PTPN3: variants seen among roughly 807,000 people sequenced by gnomAD.
The protein encoded by PTPN3 is tyrosine-protein phosphatase non-receptor type 3.
Under a neutral mutation model 132.7 loss-of-function variants are expected in PTPN3, and 96 were observed. That is an observed-to-expected ratio of 0.72 (90% CI 0.61 to 0.86). PTPN3 has a LOEUF of 0.86. PTPN3 is among the 40% of genes least tolerant of loss of function. The probability of loss-of-function intolerance (pLI) is 0.00; values close to 1 mark genes in which losing one functional copy is unlikely to be tolerated. For missense variants in PTPN3, 1,125 were observed against 1,159.6 expected (o/e 0.97, Z 0.43); for synonymous variants, 398 against 429.0 (o/e 0.93, Z 0.89).
At chr9:109,389,132 G>T in intron 22 of PTPN3, 101 bp downstream of exon 22, 1 of 1,452,116 alleles carries the variant, frequency 6.9e-7, no homozygotes. Flanking sequence ...CATACGGGCT[G>T]GACCAGGAGA....
chr9:109,396,994 C>T (rs374105513), intron 19 of PTPN3, among the ~76,000 whole-genome samples: 3 of 151,936 alleles, frequency 2.0e-5, no homozygotes, highest in African/African-American at 2.4e-5. Flanking sequence ...GCAAGCACTC[C>T]GTCAACTCTA....
At chr9:109,445,141 G>T in intron 7 of PTPN3, 99 bp downstream of exon 7, 1 of 1,246,954 alleles carries the variant, frequency 8.0e-7, no homozygotes, top group Non-Finnish European at 1.2e-6. Flanking sequence ...AGGATTCCTG[G>T]GGAAGAGGGA....
intron 12 of PTPN3, among the ~76,000 whole-genome samples, chr9:109,426,600 C>T (rs1843300706): frequency 6.6e-6 from 1 of 152,156 alleles, no homozygotes; most frequent in South Asian, 2.1e-4. Flanking sequence ...GTGGGAGAGG[C>T]TGGCATAGTG....
intron 5 of PTPN3, 34 bp downstream of exon 5, chr9:109,454,462 C>A (rs773221164): frequency 3.9e-6 from 6 of 1,552,646 alleles, no homozygotes; most frequent in Non-Finnish European, 5.3e-6. Context: ...CATTTTTATA[C>A]ACTAAACAGA....
intron 1 of PTPN3, among the ~76,000 whole-genome samples, chr9:109,486,790 T>C (rs548836279): frequency 6.6e-6 from 1 of 152,264 alleles, no homozygotes; most frequent in East Asian, 1.9e-4. Context: ...GGGAGGTAAC[T>C]GAATCATGGG....
At chr9:109,393,172 T>C (rs1362515894) in intron 19 of PTPN3, among the ~76,000 whole-genome samples, 1 of 152,178 alleles carries the variant, frequency 6.6e-6, no homozygotes, top group African/African-American at 2.4e-5. Flanking sequence ...ATTTTCAAGC[T>C]GCTTTCTCCT....
At chr9:109,418,583 A>C (rs962083311) in intron 14 of PTPN3, among the ~76,000 whole-genome samples, 12 of 152,192 alleles carry the variant, frequency 7.9e-5, no homozygotes, top group Admixed American at 7.2e-4. Context: ...CCTTTAAATG[A>C]ACGATGGAAT....
chr9:109,454,833 T>G (rs977154866), intron 4 of PTPN3, among the ~76,000 whole-genome samples: 1 of 152,176 alleles, frequency 6.6e-6, no homozygotes, highest in African/African-American at 2.4e-5. Context: ...TAGGGCTGTG[T>G]TTAAACATTG....
chr9:109,518,957 CA>C, the PTPN3 span, among the ~76,000 whole-genome samples: 1 of 152,080 alleles, frequency 6.6e-6, no homozygotes, highest in Non-Finnish European at 1.5e-5. Context: ...CTTCAAAAGC[CA>C]ACTGAACATT....
chr9:109,446,036 G>T (rs1181688373), intron 6 of PTPN3, among the ~76,000 whole-genome samples: 2 of 152,158 alleles, frequency 1.3e-5, no homozygotes, highest in Admixed American at 6.5e-5. Context: ...TGAATCCTCT[G>T]ATTGCTCCCT....
chr9:109,419,934 C>T (rs578169935), intron 14 of PTPN3, among the ~76,000 whole-genome samples: 1 of 152,262 alleles, frequency 6.6e-6, no homozygotes, highest in East Asian at 1.9e-4. Flanking sequence ...GATGTTCTAA[C>T]GTTTGTTTCT....
chr9:109,404,717 T>A (rs1841418781), intron 18 of PTPN3, 109 bp from the exon 19 acceptor site: 1 of 1,211,902 alleles, frequency 8.3e-7, no homozygotes, highest in Non-Finnish European at 1.1e-6. Flanking sequence ...GTTCAAAACA[T>A]CTTATTAAAT....
intron 2 of PTPN3, among the ~76,000 whole-genome samples, chr9:109,463,049 A>G (rs1238403947): frequency 6.6e-6 from 1 of 151,030 alleles, no homozygotes; most frequent in Non-Finnish European, 1.5e-5. Context: ...AGGACTTCCC[A>G]GAAGCACCAA....
chr9:109,526,106 C>A, the PTPN3 span, among the ~76,000 whole-genome samples: 1 of 151,914 alleles, frequency 6.6e-6, no homozygotes, highest in South Asian at 2.1e-4. Context: ...ATTTTAAATA[C>A]CATTTACAAT....
intron 1 of PTPN3, among the ~76,000 whole-genome samples, chr9:109,473,557 A>G (rs529816066): frequency 3.5e-4 from 53 of 152,312 alleles, no homozygotes; most frequent in Non-Finnish European, 6.3e-4. Context: ...AGCCGCGGGC[A>G]GTTTCGGGAA....
chr9:109,414,714 T>C (rs562189047), intron 14 of PTPN3, among the ~76,000 whole-genome samples: 3 of 152,198 alleles, frequency 2.0e-5, no homozygotes, highest in Non-Finnish European at 2.9e-5. Context: ...GCTTCCCCTA[T>C]AGATATCAGA....
chr9:109,415,495 A>G (rs1199309285), intron 14 of PTPN3, among the ~76,000 whole-genome samples: 3 of 152,218 alleles, frequency 2.0e-5, no homozygotes, highest in African/African-American at 7.2e-5. Flanking sequence ...AGCAGAGAAA[A>G]GGTATTTAAG....
At chr9:109,412,223 T>G (rs928700291) in intron 14 of PTPN3, among the ~76,000 whole-genome samples, 2 of 152,026 alleles carry the variant, frequency 1.3e-5, no homozygotes, top group African/African-American at 2.4e-5. Context: ...TTTTTTTTTC[T>G]TTTGAGGTAG....
upstream of PTPN3, among the ~76,000 whole-genome samples, chr9:109,503,175 T>G (rs1228439716): frequency 6.6e-6 from 1 of 152,120 alleles, no homozygotes; most frequent in African/African-American, 2.4e-5. Context: ...GCTCCTTTCA[T>G]GGAGGGTGAA....
Sources: allele counts gnomAD v4.1 joint callset (sites outside exome capture counted in the v4.1 genomes callset), GRCh38; gene constraint gnomAD v4.1.1; transcripts MANE v1.5; gene names NCBI Gene and HGNC (gene_info 2026-07-23, HGNC 2026-07-21).